Variants in MALRD1 observed in about 807,000 individuals in gnomAD.
MALRD1 encodes MAM and LDL-receptor class A domain-containing protein 1.
A neutral mutation model predicts 242.1 loss-of-function variants in MALRD1; 247 were observed. The ratio of observed to expected loss-of-function variants is 1.02; its 90% CI spans 0.92 to 1.13. The LOEUF is 1.13. MALRD1 is among the 50% of genes most tolerant of loss of function. MALRD1 has a pLI of 0.00. For synonymous variants in MALRD1, 995 were observed against 866.6 expected (o/e 1.15, Z -2.60); for missense variants, 2,989 against 2,533.1 (o/e 1.18, Z -3.86).
chr10:19,178,434 T>C (rs1485420339), intron 14 of MALRD1, among the ~76,000 whole-genome samples: 1 of 152,166 alleles, frequency 6.6e-6, no homozygotes, highest in East Asian at 1.9e-4. Context: ...AATTGTTATA[T>C]GTATGGAGCA....
chr10:19,095,716 A>C (rs1169227379), intron 4 of MALRD1, among the ~76,000 whole-genome samples: 1 of 152,136 alleles, frequency 6.6e-6, no homozygotes, highest in Non-Finnish European at 1.5e-5. Context: ...ACCCCCGAGC[A>C]CCAATAATGT....
At chr10:19,296,149 A>T (rs1053080925) in intron 21 of MALRD1, among the ~76,000 whole-genome samples, 4 of 152,150 alleles carry the variant, frequency 2.6e-5, no homozygotes, top group Non-Finnish European at 4.4e-5. Flanking sequence ...TACTAGGCAG[A>T]TAACTTTAAA....
chr10:19,304,183 C>T (rs936424506), intron 21 of MALRD1, among the ~76,000 whole-genome samples: 2 of 151,696 alleles, frequency 1.3e-5, no homozygotes, highest in South Asian at 4.1e-4. Flanking sequence ...TTGGCTTGAA[C>T]GAGCAGCCAC....
chr10:19,269,135 A>G (rs1444188892), intron 19 of MALRD1, among the ~76,000 whole-genome samples: 1 of 152,082 alleles, frequency 6.6e-6, no homozygotes, highest in African/African-American at 2.4e-5. Context: ...CTAAGCAATT[A>G]TAGGCCAACA....
chr10:19,498,453 C>T (rs77726240), intron 30 of MALRD1, 32 bp from the exon 31 acceptor site: 26,964 of 1,523,594 alleles, frequency 0.018, 458 homozygotes, highest in African/African-American at 0.084. Flanking sequence ...TAGACATTTC[C>T]AGAAATTCCA....
rs560812175 is a variant in MALRD1 at position 19,056,284 on chromosome 10, A to G, written c.199+7147A>G. ...AAATCTGTAGATCGCTTTGAGTGCT[A>G]TGGGCATTTTGACAATATTAATTTT... is the stretch of plus-strand genomic sequence containing the variant. On this transcript the variant is annotated intron_variant, in intron 1 of 39. Transcript: ENST00000454679. Among the ~76,000 whole-genome samples the G allele has an allele frequency of 8.2e-4, 125 of 151,828 alleles. 1 individual carries two copies. In the Middle Eastern group the frequency reaches 0.01, roughly 12 times the overall value.
At chr10:19,285,764 A>T (rs1303321520) in intron 21 of MALRD1, among the ~76,000 whole-genome samples, 1 of 118,378 alleles carries the variant, frequency 8.4e-6, no homozygotes, top group Non-Finnish European at 1.7e-5. Flanking sequence ...ATGAACTTTA[A>T]AGTAGTTTTT....
chr10:19,615,805 C>T lies in MALRD1; in HGVS notation c.6071-52C>T, dbSNP rs1196971939. The T allele has an allele frequency of 3.1e-6, 4 of 1,278,258 alleles. No homozygotes were observed. The East Asian group carries it at 1.0e-4, about 33-fold the overall frequency. The allele number at this position is 1,278,258 out of a possible 1,614,324, so 79.2% of individuals were successfully genotyped here. A position where few individuals can be genotyped will look rare whatever the true frequency, so the allele number is the denominator to read the frequency against. ...TGACAAATAGTGATATCTTCTTCTT[C>T]CTCCTAATACTATTTATAATTAACT... On this transcript the variant is annotated intron_variant, in intron 35 of 39. Coordinates refer to ENST00000454679, the MANE Select transcript of MALRD1 (RefSeq NM_001142308.3).
At chr10:19,059,198 T>C (rs1462312061) in intron 1 of MALRD1, among the ~76,000 whole-genome samples, 1 of 152,162 alleles carries the variant, frequency 6.6e-6, no homozygotes, top group Non-Finnish European at 1.5e-5. Context: ...GAGAAAGTGC[T>C]CATGAAATAT....
At chr10:19,287,399 A>G (rs1033489762) in intron 21 of MALRD1, among the ~76,000 whole-genome samples, 2 of 151,750 alleles carry the variant, frequency 1.3e-5, no homozygotes, top group African/African-American at 4.8e-5. Context: ...TCTCCCTCCC[A>G]TCGTTCCGAC....
intron 10 of MALRD1, among the ~76,000 whole-genome samples, chr10:19,145,712 C>A (rs1475641872): frequency 6.7e-6 from 1 of 150,282 alleles, no homozygotes; most frequent in Non-Finnish European, 1.5e-5. Flanking sequence ...ATCTAATTTA[C>A]CTGCAATTCC....
intron 31 of MALRD1, among the ~76,000 whole-genome samples, chr10:19,521,302 A>G (rs1409064921): frequency 6.6e-6 from 1 of 151,980 alleles, no homozygotes; most frequent in Non-Finnish European, 1.5e-5. Context: ...GCTTCCTTTA[A>G]TTTATTTCCT....
intron 29 of MALRD1, among the ~76,000 whole-genome samples, chr10:19,485,662 G>GTAA (rs1188392814): frequency 7.1e-6 from 1 of 140,062 alleles, no homozygotes; most frequent in Non-Finnish European, 1.6e-5. Flanking sequence ...AAAAAAAATA[G>GTAA]TAATAATAAT....
chr10:19,314,588 A>G (rs1842558834), intron 21 of MALRD1, among the ~76,000 whole-genome samples: 1 of 151,678 alleles, frequency 6.6e-6, no homozygotes, highest in African/African-American at 2.4e-5. Context: ...TCAGAGCCTA[A>G]CAGGCTGAAT....
At chr10:19,083,278 G>A (rs1835553794) in intron 2 of MALRD1, among the ~76,000 whole-genome samples, 1 of 151,982 alleles carries the variant, frequency 6.6e-6, no homozygotes, top group Non-Finnish European at 1.5e-5. Context: ...TGATAACTCT[G>A]CATTAGTTTC....
intron 36 of MALRD1, among the ~76,000 whole-genome samples, chr10:19,663,038 A>G (rs1841516438): frequency 6.6e-6 from 1 of 151,972 alleles, no homozygotes. Flanking sequence ...ATTTATTTTT[A>G]TAGATTTAGG....
At chr10:19,634,129 C>A (rs1234206556) in intron 36 of MALRD1, among the ~76,000 whole-genome samples, 3 of 152,070 alleles carry the variant, frequency 2.0e-5, no homozygotes, top group African/African-American at 7.2e-5. Context: ...ACATGAGCCA[C>A]CCCACCCGGC....
chr10:19,623,484 C>G (rs1403176183), intron 36 of MALRD1, among the ~76,000 whole-genome samples: 1 of 152,076 alleles, frequency 6.6e-6, no homozygotes, highest in Non-Finnish European at 1.5e-5. Flanking sequence ...GCTGGGAAAT[C>G]CCACAACATG....
intron 31 of MALRD1, among the ~76,000 whole-genome samples, chr10:19,509,953 T>G (rs2095128): frequency 0.13 from 20,401 of 152,090 alleles, 1,457 homozygotes; most frequent in East Asian, 0.22. Flanking sequence ...GAGGATCCGC[T>G]CCAGCACCAG....
Sources: allele counts gnomAD v4.1 joint callset (sites outside exome capture counted in the v4.1 genomes callset), GRCh38; gene constraint gnomAD v4.1.1; transcripts MANE v1.5; gene names NCBI Gene and HGNC (gene_info 2026-07-23, HGNC 2026-07-21).